Variants in RASAL2 observed in about 807,000 individuals in gnomAD.
RASAL2 encodes RAS protein activator like 2.
RASAL2 carries 58 observed loss-of-function variants against 128.9 expected under a neutral mutation model. The observed-to-expected ratio is 0.45, with a 90% CI of 0.36 to 0.56. RASAL2 has a LOEUF of 0.56. Ranked by LOEUF, RASAL2 falls within the 20% of genes least tolerant of loss-of-function variation. RASAL2 has a pLI of 0.00. For synonymous variants in RASAL2, 561 were observed against 580.8 expected (o/e 0.97, Z 0.49); for missense variants, 1,360 against 1,601.6 (o/e 0.85, Z 2.57).
chr1:178,174,508 C>T (rs1661818401), intron 1 of RASAL2, among the ~76,000 whole-genome samples: 1 of 152,078 alleles, frequency 6.6e-6, no homozygotes, highest in Non-Finnish European at 1.5e-5. Flanking sequence ...CACTTCTAAG[C>T]AAGAATCCTG....
chr1:178,282,419 C>T (rs944609337), intron 1 of RASAL2, among the ~76,000 whole-genome samples: 3 of 152,156 alleles, frequency 2.0e-5, no homozygotes, highest in African/African-American at 7.2e-5. Flanking sequence ...TTCTACAGAA[C>T]TCCAGCTATA....
intron 1 of RASAL2, among the ~76,000 whole-genome samples, chr1:178,236,908 T>C (rs898724246): frequency 6.6e-6 from 1 of 151,890 alleles, no homozygotes; most frequent in South Asian, 2.1e-4. Context: ...GGATTACGGG[T>C]GCACAGCACC....
chr1:178,404,304 G>C (rs1261776141), intron 4 of RASAL2, among the ~76,000 whole-genome samples: 2 of 152,024 alleles, frequency 1.3e-5, no homozygotes, highest in Admixed American at 6.6e-5. Context: ...ACGTGAAGAG[G>C]TAATAGGTAA....
At chr1:178,471,295 A>G (rs1648244123) in intron 17 of RASAL2, among the ~76,000 whole-genome samples, 1 of 152,112 alleles carries the variant, frequency 6.6e-6, no homozygotes. Flanking sequence ...TATCATACTT[A>G]GCTCTTACCT....
intron 3 of RASAL2, among the ~76,000 whole-genome samples, chr1:178,342,876 T>C (rs1169780775): frequency 6.6e-6 from 1 of 152,238 alleles, no homozygotes; most frequent in African/African-American, 2.4e-5. Context: ...CTTCACCTCA[T>C]GAATTATGTG....
intron 2 of RASAL2, among the ~76,000 whole-genome samples, chr1:178,291,119 G>T (rs923753108): frequency 6.6e-6 from 1 of 152,140 alleles, no homozygotes; most frequent in African/African-American, 2.4e-5. Flanking sequence ...GACAAATAAG[G>T]GCTCATGAGG....
intron 1 of RASAL2, among the ~76,000 whole-genome samples, chr1:178,193,883 C>A (rs1369311936): frequency 1.3e-5 from 2 of 152,140 alleles, no homozygotes; most frequent in Non-Finnish European, 2.9e-5. Context: ...TAGATACCAA[C>A]TAGACTTTTT....
intron 3 of RASAL2, among the ~76,000 whole-genome samples, chr1:178,313,798 G>A (rs1295876443): frequency 1.3e-5 from 2 of 152,156 alleles, no homozygotes; most frequent in Non-Finnish European, 2.9e-5. Context: ...GTCACTTGTA[G>A]TAAGATATTA....
intron 1 of RASAL2, among the ~76,000 whole-genome samples, chr1:178,131,375 CTTTTTTTTTTTTT>C (rs71108028): frequency 1.2e-5 from 1 of 82,604 alleles, no homozygotes; most frequent in African/African-American, 5.4e-5. Context: ...CCTGGATAAT[CTTTTTTTTTTTTT>C]TTTTTTTTTT....
intron 4 of RASAL2, among the ~76,000 whole-genome samples, chr1:178,402,025 A>G (rs945867328): frequency 1.3e-5 from 2 of 152,206 alleles, no homozygotes; most frequent in African/African-American, 4.8e-5. Flanking sequence ...TATGATCAAG[A>G]GCAAATTGTT....
At chr1:178,107,325 C>T (rs533891857) in intron 1 of RASAL2, among the ~76,000 whole-genome samples, 1 of 149,874 alleles carries the variant, frequency 6.7e-6, no homozygotes, top group East Asian at 1.9e-4. Context: ...TAGAATTTAA[C>T]AGTATGTCTT....
At chr1:178,378,748 A>G (rs1672124947) in intron 3 of RASAL2, among the ~76,000 whole-genome samples, 1 of 152,194 alleles carries the variant, frequency 6.6e-6, no homozygotes, top group East Asian at 1.9e-4. Flanking sequence ...AAAATAGTGT[A>G]TATCAAAACT....
rs565621969 is a variant in RASAL2 at position 178,438,145 on chromosome 1, G to T, written c.675-1277G>T. ...GTGTGTGTGTGTGTGTGTGTGTGTG[G>T]AAAGAAGAAGAACTAAAATCCTTAT... On this transcript the variant is annotated intron_variant, in intron 5 of 17. Transcript: ENST00000367649. 7.0e-3 allele frequency among the ~76,000 whole-genome samples: 935 copies of T among 133,420 alleles called. 3 individuals are homozygous for T. Among genetic ancestry groups the T allele is most frequent in the Non-Finnish European group, 0.011 (659 of 60,772 alleles). 87.5% of individuals were successfully genotyped at this position (133,420 alleles called of 152,430 possible).
Position 178,457,955 on chromosome 1 carries a change from A to G in RASAL2, c.2663A>G (p.Lys888Arg). ...TCCATAACCCAGGTGGCCAGCATCA[A>G]ACAGCTGCGGGAAACCCAGAGCACT... Reference protein sequence around the residue: ...QLSITQVASIKQLRETQSTPQ... With the variant: ...QLSITQVASIRQLRETQSTPQ... The change falls in exon 14 of 18, where the codon AAA becomes AGA. Residue 888 changes from lysine (K) to arginine (R), a missense_variant. Coordinates refer to ENST00000367649, the MANE Select transcript of RASAL2 (RefSeq NM_170692.4). 6.2e-6 allele frequency: 10 copies of G among 1,614,078 alleles called. No individual in the cohort carries two copies. Among genetic ancestry groups the G allele is most frequent in the Non-Finnish European group, 7.6e-6 (9 of 1,180,014 alleles).
rs139253820 is a variant in RASAL2 at position 178,444,367 on chromosome 1, G to A, written c.1482+1138G>A. On this transcript the variant is annotated intron_variant, in intron 8 of 17. Coordinates refer to ENST00000367649, the MANE Select transcript of RASAL2 (RefSeq NM_170692.4). ...CCGTTACCCCCAAGAGTTTCCTCCT[G>A]TCTCTTAGCATTAAGTTTAATAGTG... Among the ~76,000 whole-genome samples the A allele has an allele frequency of 4.5e-3, 688 of 152,162 alleles. 3 individuals carry two copies. The highest frequency in any genetic ancestry group is 0.015 in the African/African-American group (641 of 41,520).
intron 5 of RASAL2, among the ~76,000 whole-genome samples, chr1:178,429,491 C>A: frequency 6.6e-6 from 1 of 152,130 alleles, no homozygotes; most frequent in East Asian, 1.9e-4. Context: ...CTGAGAGGAT[C>A]AAGGTAGTGG....
chr1:178,281,674 A>G (rs1666790205), intron 1 of RASAL2, among the ~76,000 whole-genome samples: 1 of 152,198 alleles, frequency 6.6e-6, no homozygotes, highest in Admixed American at 6.5e-5. Flanking sequence ...TTGAATGACC[A>G]TAAATTGTCT....
intron 1 of RASAL2, among the ~76,000 whole-genome samples, chr1:178,222,245 G>C (rs113692676): frequency 7.9e-5 from 12 of 152,086 alleles, no homozygotes; most frequent in African/African-American, 2.9e-4. Flanking sequence ...AGTGATTATT[G>C]ATATATTTGG....
Position 178,184,382 on chromosome 1 carries a change from AT to A in RASAL2, c.202+89693del, listed in dbSNP as rs1234712335. 9.0e-5 allele frequency among the ~76,000 whole-genome samples: 7 copies of A among 77,954 alleles called. No homozygotes were observed. In the Admixed American group the frequency reaches 1.2e-3, roughly 13 times the overall value. 51.1% of individuals were successfully genotyped at this position (77,954 alleles called of 152,430 possible). Reference sequence around the variant, plus strand: ...CTCATCAAAATCCAGGTCACGTATAATTTTTCCTGTTTTTTTTTTTAAAGAA... The same window carrying A: ...CTCATCAAAATCCAGGTCACGTATAATTTTCCTGTTTTTTTTTTTAAAGAA... On this transcript the variant is annotated intron_variant, in intron 1 of 17. Coordinates refer to ENST00000367649, the MANE Select transcript of RASAL2 (RefSeq NM_170692.4).
Sources: gnomAD v4.1 joint callset for allele counts (sites outside exome capture counted in the v4.1 genomes callset) on GRCh38, gnomAD v4.1.1 for gene constraint, MANE v1.5 for transcripts, NCBI Gene and HGNC (gene_info 2026-07-23, HGNC 2026-07-21) for gene names.